HK1: variants seen among roughly 807,000 people sequenced by gnomAD.
HK1 encodes hexokinase-1.
A neutral mutation model predicts 91.6 loss-of-function variants in HK1; 28 were observed. The observed-to-expected ratio is 0.31, with a 90% confidence interval of 0.23 to 0.42. The LOEUF (loss-of-function observed/expected upper bound fraction) is 0.42. HK1 is among the 10% of genes least tolerant of loss of function. The pLI, the probability that HK1 is intolerant of heterozygous loss-of-function variation, is 1.00. For missense variants in HK1, 770 were observed against 1,219.8 expected (o/e 0.63, Z 5.49); for synonymous variants, 430 against 468.1 (o/e 0.92, Z 1.05).
chr10:69,288,424 C>T (rs1441549897), intron 2 of HK1, among the ~76,000 whole-genome samples: 4 of 152,122 alleles, frequency 2.6e-5, no homozygotes, highest in Non-Finnish European at 4.4e-5. Flanking sequence ...GCCTGAGCAA[C>T]AGAAGCTGCA....
Position 69,369,136 on chromosome 10 carries a change from G to T in HK1, c.592-101G>T, listed in dbSNP as rs773201261. On this transcript the variant is annotated intron_variant, in intron 5 of 17. Transcript: ENST00000359426. The surrounding 1 kb of genome is among the most constrained non-coding windows in gnomAD (Gnocchi z 4.4). ...GAAACCAGTACCACTCACAAAAGCA[G>T]GGGTTCTGAAAACGGGAGCACTTCT... The T allele has an allele frequency of 2.5e-6, 2 of 816,052 alleles. No individual in the cohort carries two copies. Among genetic ancestry groups the T allele is most frequent in the Non-Finnish European group, 2.1e-6 (1 of 470,054 alleles). The allele number at this position is 816,052 out of a possible 1,614,324, so 50.6% of individuals were successfully genotyped here. A position where few individuals can be genotyped will look rare whatever the true frequency, so the allele number is the denominator to read the frequency against.
intron 15 of HK1, among the ~76,000 whole-genome samples, chr10:69,392,752 T>C (rs1839961763): frequency 6.6e-6 from 1 of 152,136 alleles, no homozygotes. Context: ...TCAGGTACCA[T>C]GTCTGAAATG....
chr10:69,277,993 A>G (rs929735600), intron 1 of HK1, among the ~76,000 whole-genome samples: 8 of 151,740 alleles, frequency 5.3e-5, no homozygotes, highest in African/African-American at 1.9e-4. Flanking sequence ...AGATTGTGCC[A>G]TTGCACTCCA....
intron 1 of HK1, among the ~76,000 whole-genome samples, chr10:69,340,903 C>G (rs1431661217): frequency 6.6e-6 from 1 of 152,122 alleles, no homozygotes; most frequent in African/African-American, 2.4e-5. Context: ...TTGTTCATCA[C>G]AAAAACCACC....
Position 69,395,151 on chromosome 10 carries a change from C to T in HK1, c.2375+46C>T, listed in dbSNP as rs377716686. 52 of 1,597,650 alleles carry T rather than the reference C, an allele frequency of 3.3e-5. No individual in the cohort carries two copies. The African/African-American group carries it at 5.5e-4, about 17-fold the overall frequency. On this transcript the variant is annotated intron_variant, in intron 16 of 17. Coordinates refer to ENST00000359426, the MANE Select transcript of HK1 (RefSeq NM_000188.3). Reference sequence around the variant, plus strand: ...CTGCCAGCGCCCACCCTTCAGAGGTCGCCTGGCTGGTGGATTGTGATGGGG... The same window carrying T: ...CTGCCAGCGCCCACCCTTCAGAGGTTGCCTGGCTGGTGGATTGTGATGGGG...
At chr10:69,319,050 C>G in intron 1 of HK1, 40 bp downstream of exon 1, 1 of 1,571,382 alleles carries the variant, frequency 6.4e-7, no homozygotes, top group Non-Finnish European at 8.6e-7. Context: ...CTGGCCGCAG[C>G]CTTGCGTTCC....
Position 69,369,413 on chromosome 10 carries a change from T to C in HK1, c.692-28T>C. 1 of 1,614,182 alleles carries C rather than the reference T, an allele frequency of 6.2e-7. No homozygotes were observed. The highest frequency in any genetic ancestry group is 8.5e-7 in the Non-Finnish European group (1 of 1,180,012). ...GCTCTGCACCCTCCCCGTTGTGTGG[T>C]CATAGCTTCTGATCTTGTCCTGCCC... On this transcript the variant is annotated intron_variant, in intron 6 of 17. Coordinates refer to ENST00000359426, the MANE Select transcript of HK1 (RefSeq NM_000188.3). The surrounding 1 kb of genome is among the most constrained non-coding windows in gnomAD (Gnocchi z 4.4).
At chr10:69,312,528 C>T (rs149274200), upstream of HK1, among the ~76,000 whole-genome samples, 5 of 151,590 alleles carry the variant, frequency 3.3e-5, no homozygotes, top group Admixed American at 6.6e-5. Flanking sequence ...CGTGAGCCAC[C>T]GTGCCTGGCC....
At chr10:69,290,630 C>G (rs1845256624) in intron 3 of HK1, among the ~76,000 whole-genome samples, 1 of 152,200 alleles carries the variant, frequency 6.6e-6, no homozygotes, top group African/African-American at 2.4e-5. Context: ...TCCCCAGTAG[C>G]CGGGATTACA....
At chr10:69,324,934 G>T (rs1432997983) in intron 1 of HK1, among the ~76,000 whole-genome samples, 1 of 152,054 alleles carries the variant, frequency 6.6e-6, no homozygotes, top group Non-Finnish European at 1.5e-5. Context: ...AGTTTGATTG[G>T]TCTTGATTTC....
intron 4 of HK1, among the ~76,000 whole-genome samples, chr10:69,365,134 C>T (rs1035620335): frequency 6.6e-6 from 1 of 152,106 alleles, no homozygotes; most frequent in Non-Finnish European, 1.5e-5. Context: ...TTTTGGCCAC[C>T]AGGTAGACAG....
At chr10:69,326,816 G>C (rs1391879151) in intron 1 of HK1, among the ~76,000 whole-genome samples, 1 of 152,060 alleles carries the variant, frequency 6.6e-6, no homozygotes, top group African/African-American at 2.4e-5. Flanking sequence ...CTTCGGAGGT[G>C]ACCTCTGTCC....
chr10:69,292,341 G>A, intron 3 of HK1: 1 of 445,120 alleles, frequency 2.2e-6, no homozygotes, highest in Non-Finnish European at 4.5e-6. Flanking sequence ...CTAAAGTGCT[G>A]GGATTACAGG....
At chr10:69,352,256 G>T (rs1439511549) in intron 2 of HK1, among the ~76,000 whole-genome samples, 4 of 152,136 alleles carry the variant, frequency 2.6e-5, no homozygotes, top group African/African-American at 9.7e-5. Flanking sequence ...GCCTCCCAAA[G>T]TTCTGGGATT....
chr10:69,297,910 A>G lies in HK1; in HGVS notation c.-67+2230A>G, dbSNP rs369520827. Among the ~76,000 whole-genome samples, 203 of 145,026 alleles carry G rather than the reference A, an allele frequency of 1.4e-3. 5 individuals carry two copies. Among genetic ancestry groups the G allele is most frequent in the African/African-American group, 4.9e-3 (191 of 38,604 alleles). Reference sequence around the variant, plus strand: ...AACTCTGTCTCAAAAAAAAAAAAAGAAAAAAAAGTGCTTGGTCGGGCCAGG... The same window carrying G: ...AACTCTGTCTCAAAAAAAAAAAAAGGAAAAAAAGTGCTTGGTCGGGCCAGG... On this transcript the variant is annotated intron_variant, in intron 4 of 21. Coordinates refer to the HK1 transcript ENST00000360289.
chr10:69,356,648 G>T (rs1849145968), intron 2 of HK1, among the ~76,000 whole-genome samples: 1 of 152,138 alleles, frequency 6.6e-6, no homozygotes, highest in South Asian at 2.1e-4. Context: ...ACTTTGGGAG[G>T]CCGACGCAGG....
chr10:69,309,251 G>A (rs1471102308), intron 5 of HK1, among the ~76,000 whole-genome samples: 8 of 149,268 alleles, frequency 5.4e-5, no homozygotes, highest in African/African-American at 1.5e-4. Context: ...GCATGATCTC[G>A]GCTCACTGCA....
chr10:69,358,995 CT>C (rs1230580532), intron 2 of HK1, among the ~76,000 whole-genome samples: 5 of 151,702 alleles, frequency 3.3e-5, no homozygotes, highest in Non-Finnish European at 7.4e-5. Flanking sequence ...CTGCAGTGAG[CT>C]TTGATCACAC....
At chr10:69,366,960 A>C (rs1589548409) in intron 4 of HK1, among the ~76,000 whole-genome samples, 4 of 152,202 alleles carry the variant, frequency 2.6e-5, no homozygotes, top group African/African-American at 9.6e-5. Flanking sequence ...GAATGGCCAG[A>C]GTGTATTTAT....
Sources: allele counts gnomAD v4.1 joint callset (sites outside exome capture counted in the v4.1 genomes callset), GRCh38; gene constraint gnomAD v4.1.1; non-coding constraint Gnocchi (gnomAD v3.1); transcripts MANE v1.5; gene names NCBI Gene and HGNC (gene_info 2026-07-23, HGNC 2026-07-21).